Variants in MGA observed in about 807,000 individuals in gnomAD.
The protein encoded by MGA is MAX gene-associated protein.
A neutral mutation model predicts 261.1 loss-of-function variants in MGA; 40 were observed. The ratio of observed to expected loss-of-function variants is 0.15; its 90% CI spans 0.12 to 0.20. MGA has a LOEUF of 0.20. Ranked by LOEUF, MGA falls within the 10% of genes least tolerant of loss-of-function variation. The probability of loss-of-function intolerance (pLI) is 1.00; values close to 1 mark genes in which losing one functional copy is unlikely to be tolerated. For synonymous variants in MGA, 1,302 were observed against 1,290.6 expected (o/e 1.01, Z -0.19); for missense variants, 3,397 against 3,630.5 (o/e 0.94, Z 1.65).
chr15:41,741,822 C>T (rs779651801), intron 14 of MGA, among the ~76,000 whole-genome samples: 2 of 152,016 alleles, frequency 1.3e-5, no homozygotes, highest in African/African-American at 2.4e-5. Context: ...AACCATTCTC[C>T]TGCCTCAGCC....
Position 41,699,178 on chromosome 15 carries a change from C to A in MGA, c.2188+19C>A. 6.9e-7 allele frequency: 1 copy of A among 1,440,010 alleles called. No individual in the cohort carries two copies. Among genetic ancestry groups the A allele is most frequent in the Non-Finnish European group, 9.3e-7 (1 of 1,072,546 alleles). The allele number at this position is 1,440,010 out of a possible 1,614,324, so 89.2% of individuals were successfully genotyped here. On this transcript the variant is annotated intron_variant, in intron 5 of 23. Coordinates refer to ENST00000219905, the MANE Select transcript of MGA (RefSeq NM_001164273.2). ...CAAGAAGGTAATAGACTAGCGACTT[C>A]TTTTTTTTTGTTTTCTTTTTTTCTT...
intron 15 of MGA, 81 bp downstream of exon 15, chr15:41,743,253 T>C: frequency 7.1e-7 from 1 of 1,407,916 alleles, no homozygotes; most frequent in Non-Finnish European, 9.5e-7. Flanking sequence ...GGATTATAGA[T>C]ATATCAGGAT....
chr15:41,746,743 CT>C lies in MGA; in HGVS notation c.5213-1893del, dbSNP rs147905926. On this transcript the variant is annotated intron_variant, in intron 15 of 23. Coordinates refer to ENST00000219905, the MANE Select transcript of MGA (RefSeq NM_001164273.2). ...ATATTTTTTTGTGTGGGCAGAGTGC[CT>C]GTTTGATAGAGAATCACGTTAAGCT... Among the ~76,000 whole-genome samples, 1,320 of 151,830 alleles carry C rather than the reference CT, an allele frequency of 8.7e-3. 20 individuals are homozygous for C. Among genetic ancestry groups the C allele is most frequent in the African/African-American group, 0.031 (1,268 of 41,446 alleles).
intron 1 of MGA, among the ~76,000 whole-genome samples, chr15:41,625,179 G>C (rs1283653126): frequency 6.6e-5 from 10 of 152,228 alleles, no homozygotes; most frequent in African/African-American, 2.4e-4. Context: ...AAGCATGACT[G>C]TCGAGGCAAA....
chr15:41,723,119 A>G (rs531052566), intron 9 of MGA, among the ~76,000 whole-genome samples: 1 of 152,278 alleles, frequency 6.6e-6, no homozygotes, highest in South Asian at 2.1e-4. Context: ...GTCAATGAAT[A>G]TGTGCTACTC....
At chr15:41,686,658 C>A (rs1170740489) in intron 2 of MGA, among the ~76,000 whole-genome samples, 1 of 152,124 alleles carries the variant, frequency 6.6e-6, no homozygotes, top group Admixed American at 6.6e-5. Flanking sequence ...TACTTTCCTA[C>A]TGTTACCCAT....
Position 41,734,589 on chromosome 15 carries a change from T to C in MGA, c.3911T>C (p.Leu1304Ser). The C allele has an allele frequency of 2.5e-6, 4 of 1,594,188 alleles. No individual in the cohort carries two copies. The highest frequency in any genetic ancestry group is 3.4e-6 in the Non-Finnish European group (4 of 1,166,834). Residue 1304 changes from leucine to serine, a missense_variant, in exon 12 of 24, where the codon TTA becomes TCA. Physicochemically the swap from Leu to Ser is moderately radical, Grantham distance 145. Around this residue, in one of 9 missense-constraint regions of MGA, gnomAD observed 1,410 missense variants for 1,386.4 expected, o/e 1.02. Coordinates refer to ENST00000219905, the MANE Select transcript of MGA (RefSeq NM_001164273.2). The stretch of plus-strand genomic sequence containing the variant: ...GACTTGGAGGATGATTCTGATAAAT[T>C]ACAAGGTCAGAATGAAAACTAGATC...
At chr15:41,696,010 C>G in intron 2 of MGA, 65 bp from the exon 3 acceptor site, 4 of 920,636 alleles carry the variant, frequency 4.3e-6, no homozygotes, top group South Asian at 3.0e-5. Context: ...TTTTTTTTTT[C>G]TCTTCAAGTC....
In MGA at chr15:41,750,140, T is replaced by G. The variant is rs756501731; in HGVS notation, c.6533T>G (p.Leu2178Arg). Residue 2178 changes from leucine to arginine, a missense_variant, in exon 17 of 24, where the codon CTG becomes CGG. Leu to Arg is a moderately radical substitution (Grantham distance 102). Coordinates refer to ENST00000219905, the MANE Select transcript of MGA (RefSeq NM_001164273.2). ...GACAGGGAAAGATGGAGAAAACATC[T>G]GAAGGGCCCCTTAACCAGGAAATGT... 6.2e-7 allele frequency: 1 copy of G among 1,613,880 alleles called. No homozygotes were observed. Among genetic ancestry groups the G allele is most frequent in the Non-Finnish European group, 8.5e-7 (1 of 1,179,866 alleles).
chr15:41,669,657 G>T lies in MGA; in HGVS notation c.763G>T (p.Ala255Ser). Residue 255 changes from alanine (A) to serine (S), a missense_variant, in exon 2 of 24, where the codon GCC becomes TCC. By Grantham distance (99) the Ala-to-Ser change is moderately conservative. This residue lies in a region of MGA where 563 missense variants were observed against 563.6 expected (regional missense o/e 1.00). Transcript: ENST00000219905. ...GCTGAAAATAGATTACAATCCATTT[G>T]CCAAAGGCTTTCGGGATGATGGGCT... The T allele has an allele frequency of 6.2e-7, 1 of 1,613,770 alleles. No individual in the cohort carries two copies. The highest frequency in any genetic ancestry group is 8.5e-7 in the Non-Finnish European group (1 of 1,179,770).
chr15:41,701,604 A>G (rs1250175587), intron 5 of MGA, among the ~76,000 whole-genome samples: 1 of 152,178 alleles, frequency 6.6e-6, no homozygotes, highest in Non-Finnish European at 1.5e-5. Flanking sequence ...CACTTCTTCT[A>G]AAGGGACAGC....
In MGA at chr15:41,767,019, A is replaced by G; in HGVS notation, c.8937A>G (p.Thr2979=). 6.2e-7 allele frequency: 1 copy of G among 1,614,028 alleles called. No individual in the cohort carries two copies. The highest frequency in any genetic ancestry group is 8.5e-7 in the Non-Finnish European group (1 of 1,179,900). Residue 2979 remains threonine, a synonymous_variant, in exon 24 of 24, where the codon ACA becomes ACG. Coordinates refer to ENST00000219905, the MANE Select transcript of MGA (RefSeq NM_001164273.2). Reference sequence around the variant, plus strand: ...CTGGCTTGGAGAACAGCAACAGCACAGACACTTTGTGGAGGCCTATGCCAA... The same window carrying G: ...CTGGCTTGGAGAACAGCAACAGCACGGACACTTTGTGGAGGCCTATGCCAA...
chr15:41,758,194 G>T (rs2063254782), intron 19 of MGA, among the ~76,000 whole-genome samples: 1 of 152,048 alleles, frequency 6.6e-6, no homozygotes. Context: ...AAAAAACTAT[G>T]CTCTGCAAAA....
At chr15:41,700,361 T>G (rs1206786076) in intron 5 of MGA, among the ~76,000 whole-genome samples, 3 of 152,140 alleles carry the variant, frequency 2.0e-5, no homozygotes, top group Admixed American at 2.0e-4. Flanking sequence ...ATCTAGGTTT[T>G]AAGCCCTGCA....
At chr15:41,699,213 C>T (rs1342815026) in intron 5 of MGA, 54 bp downstream of exon 5, 10 of 1,154,844 alleles carry the variant, frequency 8.7e-6, no homozygotes, top group Non-Finnish European at 1.2e-5. Flanking sequence ...TTCTTCCCTA[C>T]TGTTTCTCCT....
intron 1 of MGA, among the ~76,000 whole-genome samples, chr15:41,648,426 A>T (rs1015173668): frequency 3.3e-5 from 5 of 152,256 alleles, no homozygotes; most frequent in African/African-American, 9.6e-5. Context: ...GTTAGCTGTT[A>T]TTCATGGAGG....
At chr15:41,670,570 A>T (rs1206092490) in intron 2 of MGA, among the ~76,000 whole-genome samples, 1 of 152,100 alleles carries the variant, frequency 6.6e-6, no homozygotes, top group Non-Finnish European at 1.5e-5. Context: ...CAGTGGCATG[A>T]TCTCCGCTCA....
chr15:41,745,787 G>T (rs879563164), intron 15 of MGA, among the ~76,000 whole-genome samples: 1 of 151,974 alleles, frequency 6.6e-6, no homozygotes, highest in Non-Finnish European at 1.5e-5. Context: ...TTGATTTTCA[G>T]TAGAGGCGAG....
In MGA at chr15:41,762,224, G is replaced by C. The variant is rs757763552; in HGVS notation, c.7606G>C (p.Asp2536His). ...AAAAAGAAAAAAGAAGATGGGATCA[G>C]ATGAGTTTGACATATCTCCCAGAAT... Residue 2536 changes from aspartate (D) to histidine (H), a missense_variant, in exon 22 of 24, where the codon GAT becomes CAT. Asp to His is a moderately conservative substitution (Grantham distance 81, BLOSUM62 -1). This residue lies in a region of MGA where 647 missense variants were observed against 642.4 expected (regional missense o/e 1.01). Coordinates refer to ENST00000219905, the MANE Select transcript of MGA (RefSeq NM_001164273.2). The C allele has an allele frequency of 1.9e-6, 3 of 1,613,958 alleles. No individual in the cohort carries two copies. Among genetic ancestry groups the C allele is most frequent in the South Asian group, 1.1e-5 (1 of 91,086 alleles).
Sources: allele counts gnomAD v4.1 joint callset (sites outside exome capture counted in the v4.1 genomes callset), GRCh38; gene constraint gnomAD v4.1.1; regional missense constraint gnomAD v4.1.1; transcripts MANE v1.5; gene names NCBI Gene and HGNC (gene_info 2026-07-23, HGNC 2026-07-21).